Variants in KIF21B observed in about 807,000 individuals in gnomAD.
KIF21B encodes kinesin family member 21B, also known as kinesin-like protein KIF21B.
A neutral mutation model predicts 192.9 loss-of-function variants in KIF21B; 85 were observed. The observed-to-expected ratio is 0.44, with a 90% CI of 0.37 to 0.53. The LOEUF is 0.53. KIF21B is among the 20% of genes least tolerant of loss of function. The pLI is 0.00. For missense variants in KIF21B, 1,716 were observed against 2,194.8 expected (o/e 0.78, Z 4.36); for synonymous variants, 832 against 884.6 (o/e 0.94, Z 1.05).
intron 1 of KIF21B, among the ~76,000 whole-genome samples, chr1:201,013,626 G>C (rs747401016): frequency 3.3e-5 from 5 of 152,124 alleles, no homozygotes; most frequent in African/African-American, 4.8e-5. Context: ...ACAAAGTGCT[G>C]GGATTACAGG....
chr1:201,009,430 T>G lies in KIF21B; in HGVS notation c.100A>C (p.Thr34Pro). ...IEGCHICTSV[T>P]PGEPQVLLGK... ...AGCAGGACCTGGGGCTCTCCCGGGG[T>G]AACAGAGGTACAGATGTGACAGCCC... is the stretch of plus-strand genomic sequence containing the variant. Residue 34 changes from threonine (T) to proline (P), a missense_variant, in exon 2 of 35, where the codon ACC (threonine) becomes CCC (proline). Thr to Pro is a conservative substitution (Grantham distance 38). Coordinates refer to ENST00000461742, the MANE Select transcript of KIF21B (RefSeq NM_001252102.2). 1 of 1,614,162 alleles carries G rather than the reference T, an allele frequency of 6.2e-7. No homozygotes were observed. The highest frequency in any genetic ancestry group is 1.1e-5 in the South Asian group (1 of 91,082).
chr1:200,975,710 G>T lies in KIF21B; in HGVS notation c.4444-41C>A, dbSNP rs780278468. 1 of 1,570,020 alleles carries T rather than the reference G, an allele frequency of 6.4e-7. No individual in the cohort carries two copies. The highest frequency in any genetic ancestry group is 2.3e-5 in the East Asian group (1 of 44,142). On this transcript the variant is annotated intron_variant, in intron 32 of 34. Transcript: ENST00000461742. The surrounding 1 kb of genome is among the most constrained non-coding windows in gnomAD (Gnocchi z 4.3). The stretch of plus-strand genomic sequence containing the variant: ...CCAGTAGGGAGAGGCCAAGTGGGAG[G>T]ATGGAAGGCAGGGCCTACAGCACTG...
chr1:200,976,481 G>A (rs1474335909), intron 32 of KIF21B, among the ~76,000 whole-genome samples: 1 of 152,070 alleles, frequency 6.6e-6, no homozygotes, highest in Non-Finnish European at 1.5e-5. Flanking sequence ...CTTCATGTTT[G>A]GTTTGCTATT....
In KIF21B at chr1:200,990,388, C is replaced by T. The variant is rs1656607697; in HGVS notation, c.2836-56G>A. 2 of 1,525,740 alleles carry T rather than the reference C, an allele frequency of 1.3e-6. No individual in the cohort carries two copies. The highest frequency in any genetic ancestry group is 1.9e-5 in the Admixed American group (1 of 52,608). 94.5% of individuals were successfully genotyped at this position (1,525,740 alleles called of 1,614,324 possible). On this transcript the variant is annotated intron_variant, in intron 19 of 34. Coordinates refer to ENST00000461742, the MANE Select transcript of KIF21B (RefSeq NM_001252102.2). This position sits in a 1 kb window ranked among gnomAD's most constrained non-coding sequence, Gnocchi z 5.4. ...ATGAAGGAGAGGCCTCAGGTAGCTG[C>T]CAAGCCCTGCCCATAGCTTCCACCA...
chr1:201,005,299 G>C lies in KIF21B; in HGVS notation c.732+9C>G, dbSNP rs1174021248. The C allele has an allele frequency of 6.4e-7, 1 of 1,572,392 alleles. No homozygotes were observed. Among genetic ancestry groups the C allele is most frequent in the Non-Finnish European group, 8.6e-7 (1 of 1,158,786 alleles). On this transcript the variant is annotated intron_variant, in intron 5 of 34. Transcript: ENST00000461742. ...AAGCTGGCTCCTGGGCCCCCTGCAG[G>C]CTCCTCACCAGGTCGGGCTGGGTGC...
intron 32 of KIF21B, 104 bp downstream of exon 32, chr1:200,976,672 C>T: frequency 1.5e-6 from 1 of 657,596 alleles, no homozygotes; most frequent in South Asian, 2.4e-5. Flanking sequence ...AGCAGACATC[C>T]CCAGAAGTCT....
Position 201,005,361 on chromosome 1 carries a change from C to T in KIF21B, c.679G>A (p.Ala227Thr), listed in dbSNP as rs1200416395. Reference sequence around the variant, plus strand: ...TGGCACAGGTGGATGGTGAAGATGGCGTGGGAGCGTGAGCTCTGCACGTTC... The same window carrying T: ...TGGCACAGGTGGATGGTGAAGATGGTGTGGGAGCGTGAGCTCTGCACGTTC... ...QMNVQSSRSH[A>T]IFTIHLCQMR... Residue 227 changes from alanine to threonine, a missense_variant, in exon 5 of 35, where the codon GCC becomes ACC. Physicochemically the swap from Ala to Thr is moderately conservative, Grantham distance 58. Coordinates refer to ENST00000461742, the MANE Select transcript of KIF21B (RefSeq NM_001252102.2). 6.2e-7 allele frequency: 1 copy of T among 1,612,738 alleles called. No homozygotes were observed. The highest frequency in any genetic ancestry group is 8.5e-7 in the Non-Finnish European group (1 of 1,179,514).
Position 200,996,236 on chromosome 1 carries a change from T to C in KIF21B, c.2237A>G (p.Lys746Arg). 6.2e-7 allele frequency: 1 copy of C among 1,613,878 alleles called. No homozygotes were observed. The highest frequency in any genetic ancestry group is 1.1e-5 in the South Asian group (1 of 91,056). ...KNQSRYEREL[K>R]KLQAEVAEMK... ...CTCAGCCACCTCGGCCTGTAGCTTC[T>C]TCAGCTCCCTCTCGTAGCGCGACTG... The change falls in exon 15 of 35, where the codon AAG (lysine) becomes AGG (arginine). Residue 746 changes from lysine (K) to arginine (R), a missense_variant. By Grantham distance (26) the Lys-to-Arg change is conservative. Transcript: ENST00000461742.
rs1323513829 is a variant in KIF21B, at chr1:200,996,414, A to G, written c.2078-19T>C. 6.2e-7 allele frequency: 1 copy of G among 1,610,670 alleles called. No individual in the cohort carries two copies. Among genetic ancestry groups the G allele is most frequent in the Non-Finnish European group, 8.5e-7 (1 of 1,177,592 alleles). ...ATGGTGCCTGAGAGCAAGGAGACGC[A>G]GCTGTCGGTGCTGGGTCCCTAAGGG... On this transcript the variant is annotated intron_variant, in intron 14 of 34. Coordinates refer to ENST00000461742, the MANE Select transcript of KIF21B (RefSeq NM_001252102.2).
Position 201,000,307 on chromosome 1 carries a change from G to T in KIF21B, c.1685+83C>A. 7.5e-7 allele frequency: 1 copy of T among 1,337,006 alleles called. No homozygotes were observed. Among genetic ancestry groups the T allele is most frequent in the Non-Finnish European group, 1.0e-6 (1 of 984,148 alleles). The allele number at this position is 1,337,006 out of a possible 1,614,324, so 82.8% of individuals were successfully genotyped here. A position where few individuals can be genotyped will look rare whatever the true frequency, so the allele number is the denominator to read the frequency against. On this transcript the variant is annotated intron_variant, in intron 11 of 34. Transcript: ENST00000461742. The surrounding 1 kb of genome is among the most constrained non-coding windows in gnomAD (Gnocchi z 6.0). ...TGGAGGTTCCCTCCTAAACACTGGT[G>T]GGCAGCAGTCCTCCTTGGGGACGGG...
Position 200,999,651 on chromosome 1 carries a change from C to T in KIF21B, c.1768-185G>A, listed in dbSNP as rs924050949. ...CGCCTCCCCCAACACCACCGCAGAA[C>T]CCCTCTAGGAGGGCCTCCCCACCTG... On this transcript the variant is annotated intron_variant, in intron 12 of 34. Coordinates refer to ENST00000461742, the MANE Select transcript of KIF21B (RefSeq NM_001252102.2). This position sits in a 1 kb window ranked among gnomAD's most constrained non-coding sequence, Gnocchi z 4.7. 4.0e-5 allele frequency among the ~76,000 whole-genome samples: 6 copies of T among 150,804 alleles called. No individual in the cohort carries two copies. The highest frequency in any genetic ancestry group is 7.4e-5 in the Non-Finnish European group (5 of 67,746).
At chr1:200,987,682 G>T (rs1190541359) in intron 24 of KIF21B, among the ~76,000 whole-genome samples, 1 of 152,228 alleles carries the variant, frequency 6.6e-6, no homozygotes, top group African/African-American at 2.4e-5. Context: ...AACTGAAATG[G>T]TTTCACGGCC....
intron 15 of KIF21B, among the ~76,000 whole-genome samples, chr1:200,993,034 C>A (rs1307717796): frequency 1.3e-5 from 2 of 152,234 alleles, no homozygotes; most frequent in Non-Finnish European, 2.9e-5. Flanking sequence ...CCAGTCAGCT[C>A]TTCCTGCAGC....
intron 24 of KIF21B, 119 bp from the exon 25 acceptor site, chr1:200,987,320 G>T: frequency 1.2e-6 from 1 of 854,406 alleles, no homozygotes; most frequent in Non-Finnish European, 1.8e-6. Flanking sequence ...GCTCACTGCA[G>T]CCTCAACTTC....
chr1:201,011,445 G>A (rs750702236), intron 1 of KIF21B, among the ~76,000 whole-genome samples: 14 of 152,254 alleles, frequency 9.2e-5, no homozygotes, highest in Non-Finnish European at 1.5e-4. Context: ...AGCAGAGCCA[G>A]GGCTTGAACC....
intron 15 of KIF21B, among the ~76,000 whole-genome samples, chr1:200,992,639 C>T (rs1656781339): frequency 6.6e-6 from 1 of 152,260 alleles, no homozygotes; most frequent in South Asian, 2.1e-4. Context: ...CCCCACTCTG[C>T]AGGGCCCAAC....
intron 34 of KIF21B, 135 bp downstream of exon 34, chr1:200,974,579 G>A (rs578244071): frequency 8.2e-5 from 73 of 888,276 alleles, no homozygotes; most frequent in South Asian, 6.3e-5. Flanking sequence ...GGTATGCAAA[G>A]GAGGCCACCA....
At chr1:201,015,579 A>G (rs1453975829) in intron 1 of KIF21B, among the ~76,000 whole-genome samples, 1 of 152,190 alleles carries the variant, frequency 6.6e-6, no homozygotes, top group Non-Finnish European at 1.5e-5. Context: ...CCAGCCTCCA[A>G]TTGGCATGCC....
chr1:200,978,212 G>A (rs955648593), intron 30 of KIF21B, among the ~76,000 whole-genome samples: 1 of 151,732 alleles, frequency 6.6e-6, no homozygotes, highest in African/African-American at 2.4e-5. Context: ...ACCATGCCTG[G>A]CTAATTTTGT....
Sources: allele counts gnomAD v4.1 joint callset (sites outside exome capture counted in the v4.1 genomes callset), GRCh38; gene constraint gnomAD v4.1.1; non-coding constraint Gnocchi (gnomAD v3.1); transcripts MANE v1.5; gene names NCBI Gene and HGNC (gene_info 2026-07-23, HGNC 2026-07-21).